C12orf42: variants seen among roughly 807,000 people sequenced by gnomAD.
The protein encoded by C12orf42 is chromosome 12 open reading frame 42, also known as uncharacterized protein C12orf42.
Under a neutral mutation model 21.6 loss-of-function variants are expected in C12orf42, and 25 were observed. The observed-to-expected ratio is 1.16, with a 90% CI of 0.84 to 1.62. C12orf42 has a LOEUF of 1.62. C12orf42 is among the 40% of genes most tolerant of loss of function. C12orf42 has a pLI of 0.00. For missense variants in C12orf42, 483 were observed against 459.3 expected, an observed-to-expected ratio of 1.05 and a Z score of -0.47; for synonymous variants, 174 against 175.0, an observed-to-expected ratio of 0.99 and a Z score of 0.05.
chr12:103,500,823 G>C (rs976761719), upstream of C12orf42, among the ~76,000 whole-genome samples: 1 of 152,186 alleles, frequency 6.6e-6, no homozygotes, highest in African/African-American at 2.4e-5. Flanking sequence ...AAATTGAAGT[G>C]ATACTGCAAA....
chr12:103,508,524 T>C, the C12orf42 span, among the ~76,000 whole-genome samples: 8 of 152,334 alleles, frequency 5.3e-5, no homozygotes, highest in East Asian at 1.9e-4. Context: ...TCAGTCAATA[T>C]ATGACTGACG....
At chr12:103,305,605 A>G (rs1398463977) in intron 5 of C12orf42, among the ~76,000 whole-genome samples, 1 of 152,130 alleles carries the variant, frequency 6.6e-6, no homozygotes, top group Non-Finnish European at 1.5e-5. Flanking sequence ...TAAAATGGGG[A>G]TAATGGTATG....
intron 5 of C12orf42, among the ~76,000 whole-genome samples, chr12:103,272,363 A>G (rs1305866046): frequency 6.6e-6 from 1 of 152,154 alleles, no homozygotes; most frequent in African/African-American, 2.4e-5. Flanking sequence ...TATGCCAAGC[A>G]CTGTGCAAAA....
At chr12:103,076,409 C>T in the C12orf42 span, among the ~76,000 whole-genome samples, 1 of 151,690 alleles carries the variant, frequency 6.6e-6, no homozygotes, top group South Asian at 2.1e-4. Flanking sequence ...TATGGCCTAC[C>T]ACCATCATGT....
chr12:103,411,501 A>G (rs767308595), intron 2 of C12orf42, among the ~76,000 whole-genome samples: 19 of 152,210 alleles, frequency 1.2e-4, no homozygotes, highest in Non-Finnish European at 2.6e-4. Flanking sequence ...TCCAAAACTC[A>G]TGTGTTGAAA....
At position 103,292,940 on chromosome 12, in the gene C12orf42, A is replaced by G. The variant is rs954362969; in HGVS notation, n.338-15730T>C. The stretch of plus-strand genomic sequence containing the variant: ...TTTAAATGTTAGCAATTGACTAGCT[A>G]TAGAGTCAAACATGAGAAAACTAGA... On this transcript the variant is annotated intron_variant and non_coding_transcript_variant, in intron 4 of 6. Coordinates refer to the C12orf42 transcript ENST00000546526. Among the ~76,000 whole-genome samples the G allele has an allele frequency of 2.6e-5, 4 of 152,212 alleles. No homozygotes were observed. The South Asian group carries it at 6.2e-4, about 24-fold the overall frequency.
intron 3 of C12orf42, among the ~76,000 whole-genome samples, chr12:103,371,311 A>G (rs1289826220): frequency 6.6e-6 from 1 of 152,084 alleles, no homozygotes. Context: ...TCTCTTTTCC[A>G]TTACTGTGGA....
the C12orf42 span, among the ~76,000 whole-genome samples, chr12:103,211,194 C>T: frequency 5.2e-3 from 789 of 152,210 alleles, 2 homozygotes; most frequent in African/African-American, 0.018. Flanking sequence ...ATACAGAAAG[C>T]TTTTTTGTGC....
chr12:103,534,654 G>T, the C12orf42 span, among the ~76,000 whole-genome samples: 2 of 152,284 alleles, frequency 1.3e-5, no homozygotes, highest in African/African-American at 4.8e-5. Flanking sequence ...AATATGAAAT[G>T]AATAAGCAAT....
chr12:103,151,357 T>G, the C12orf42 span, among the ~76,000 whole-genome samples: 2 of 151,814 alleles, frequency 1.3e-5, no homozygotes, highest in Admixed American at 6.6e-5. Context: ...TATATACATA[T>G]AGAAAGAATA....
At chr12:103,294,527 AAAG>A (rs1464461485) in intron 4 of C12orf42, among the ~76,000 whole-genome samples, 1 of 149,838 alleles carries the variant, frequency 6.7e-6, no homozygotes, top group African/African-American at 2.5e-5. Context: ...AAGAAGAAAG[AAAG>A]AAGCAAGCAA....
At chr12:103,169,519 T>G in the C12orf42 span, among the ~76,000 whole-genome samples, 3 of 152,108 alleles carry the variant, frequency 2.0e-5, no homozygotes, top group African/African-American at 7.2e-5. Context: ...AAGTAACTTA[T>G]CCAAGATCAT....
the C12orf42 span, among the ~76,000 whole-genome samples, chr12:103,157,129 C>T: frequency 3.3e-5 from 5 of 152,036 alleles, no homozygotes; most frequent in Non-Finnish European, 7.4e-5. Flanking sequence ...CAGCCTCGCC[C>T]GCATCTATTA....
At chr12:103,409,136 G>A (rs561797539) in intron 2 of C12orf42, among the ~76,000 whole-genome samples, 8 of 152,266 alleles carry the variant, frequency 5.3e-5, no homozygotes, top group South Asian at 4.1e-4. Flanking sequence ...ACTAACATAT[G>A]CTAACTTTTC....
At chr12:103,153,827 T>C in the C12orf42 span, among the ~76,000 whole-genome samples, 2 of 151,992 alleles carry the variant, frequency 1.3e-5, no homozygotes. Flanking sequence ...CAGAAATTCA[T>C]ACATATACTC....
intron 10 of C12orf42, among the ~76,000 whole-genome samples, chr12:103,258,825 T>C (rs1349818644): frequency 6.6e-6 from 1 of 152,070 alleles, no homozygotes; most frequent in Non-Finnish European, 1.5e-5. Context: ...CAAAAGGGGA[T>C]TGAAATAAGT....
chr12:103,353,878 TCA>T (rs1183300435), intron 4 of C12orf42, among the ~76,000 whole-genome samples: 1 of 152,166 alleles, frequency 6.6e-6, no homozygotes, highest in African/African-American at 2.4e-5. Context: ...GAAAGGTTTC[TCA>T]CAAGCTTTAG....
intron 2 of C12orf42, among the ~76,000 whole-genome samples, chr12:103,440,720 T>TTAA (rs1248273537): frequency 1.3e-5 from 2 of 152,130 alleles, no homozygotes; most frequent in Admixed American, 6.6e-5. Flanking sequence ...CAGATTGGCC[T>TTAA]AACTCCATTT....
intron 2 of C12orf42, among the ~76,000 whole-genome samples, chr12:103,440,231 A>T (rs1242242600): frequency 7.4e-6 from 1 of 134,720 alleles, no homozygotes; most frequent in East Asian, 2.2e-4. Flanking sequence ...ACACAGGAAG[A>T]GGAATATCAC....
Sources: allele counts gnomAD v4.1 joint callset (sites outside exome capture counted in the v4.1 genomes callset), GRCh38; gene constraint gnomAD v4.1.1; transcripts MANE v1.5; gene names NCBI Gene and HGNC (gene_info 2026-07-23, HGNC 2026-07-21).